NDUFAF2: variants seen among roughly 807,000 people sequenced by gnomAD.
The protein encoded by NDUFAF2 is NADH dehydrogenase [ubiquinone] 1 alpha subcomplex assembly factor 2.
In NDUFAF2, 13 loss-of-function variants were observed where a neutral mutation model predicts 22.8. The ratio of observed to expected loss-of-function variants is 0.57; its 90% CI spans 0.37 to 0.91. The LOEUF is 0.91. Among genes scored for constraint, NDUFAF2 ranks in the 40% least tolerant of loss-of-function variants. The probability of loss-of-function intolerance (pLI) is 0.01; values close to 1 mark genes in which losing one functional copy is unlikely to be tolerated. For synonymous variants in NDUFAF2, 53 were observed against 64.2 expected (o/e 0.83, Z 0.84); for missense variants, 162 against 195.2 (o/e 0.83, Z 1.01).
chr5:61,082,737 T>C (rs1283768870), intron 2 of NDUFAF2, among the ~76,000 whole-genome samples: 1 of 152,232 alleles, frequency 6.6e-6, no homozygotes, highest in East Asian at 1.9e-4. Context: ...TTCCATGGTG[T>C]ATATGTACCA....
At chr5:61,030,938 A>G (rs547953015) in intron 1 of NDUFAF2, among the ~76,000 whole-genome samples, 62 of 152,118 alleles carry the variant, frequency 4.1e-4, no homozygotes, top group African/African-American at 1.4e-3. Flanking sequence ...TTTAGTTACC[A>G]TCATCCTTTG....
At chr5:61,120,979 T>C (rs942514451) in intron 3 of NDUFAF2, among the ~76,000 whole-genome samples, 1 of 152,084 alleles carries the variant, frequency 6.6e-6, no homozygotes, top group Non-Finnish European at 1.5e-5. Context: ...CTGATCACTT[T>C]TATCAGATAA....
intron 1 of NDUFAF2, among the ~76,000 whole-genome samples, chr5:60,957,943 G>A (rs1258552127): frequency 6.6e-6 from 1 of 152,184 alleles, no homozygotes; most frequent in African/African-American, 2.4e-5. Flanking sequence ...ACTCCCTGTA[G>A]TAGCACTAGT....
At chr5:60,982,731 A>G (rs748546314) in intron 1 of NDUFAF2, among the ~76,000 whole-genome samples, 50 of 151,892 alleles carry the variant, frequency 3.3e-4, no homozygotes, top group Non-Finnish European at 6.9e-4. Flanking sequence ...ACATGAACTC[A>G]TCAATTTTTA....
At chr5:60,987,735 C>A (rs1422605068) in intron 1 of NDUFAF2, among the ~76,000 whole-genome samples, 1 of 152,132 alleles carries the variant, frequency 6.6e-6, no homozygotes, top group African/African-American at 2.4e-5. Context: ...ATTGAACATC[C>A]TTTCATGTTA....
chr5:61,140,654 T>C (rs1382543836), intron 3 of NDUFAF2, among the ~76,000 whole-genome samples: 1 of 152,248 alleles, frequency 6.6e-6, no homozygotes, highest in Non-Finnish European at 1.5e-5. Flanking sequence ...GAAATCTTGC[T>C]CTTCCTTCAG....
chr5:61,002,713 G>T (rs753817025), intron 1 of NDUFAF2, among the ~76,000 whole-genome samples: 11 of 152,110 alleles, frequency 7.2e-5, no homozygotes, highest in Non-Finnish European at 1.3e-4. Context: ...CTGGAGTGAT[G>T]CATCTGTTTC....
chr5:61,113,222 A>G (rs1455377211), intron 3 of NDUFAF2, among the ~76,000 whole-genome samples: 1 of 152,148 alleles, frequency 6.6e-6, no homozygotes, highest in Non-Finnish European at 1.5e-5. Flanking sequence ...ATTCTATATT[A>G]TTCTGTTTAT....
rs1580116060 is a variant in NDUFAF2 at position 61,056,914 on chromosome 5, A to T, written c.128-16211A>T. ...CAAAAAAAAAAAAAAAAAAAAAAAA[A>T]AAAAAATATATATATATATATATAT... On this transcript the variant is annotated intron_variant, in intron 1 of 3. Coordinates refer to ENST00000296597, the MANE Select transcript of NDUFAF2 (RefSeq NM_174889.5). Among the ~76,000 whole-genome samples the T allele has an allele frequency of 7.6e-5, 3 of 39,450 alleles. No homozygotes were observed. In the Admixed American group the frequency reaches 1.3e-3, roughly 17 times the overall value. The allele number at this position is 39,450 out of a possible 152,430, so 25.9% of individuals were successfully genotyped here.
intron 1 of NDUFAF2, among the ~76,000 whole-genome samples, chr5:61,038,147 C>T (rs1032999760): frequency 4.0e-5 from 6 of 150,728 alleles, no homozygotes; most frequent in African/African-American, 1.5e-4. Flanking sequence ...ATGTTACAAA[C>T]TATAACTTTA....
chr5:60,990,218 G>A (rs935327772), intron 1 of NDUFAF2, among the ~76,000 whole-genome samples: 3 of 152,114 alleles, frequency 2.0e-5, no homozygotes, highest in South Asian at 4.1e-4. Context: ...CTAGGACCTA[G>A]TATTTGATAG....
intron 1 of NDUFAF2, among the ~76,000 whole-genome samples, chr5:60,993,596 T>C (rs1751189009): frequency 6.6e-6 from 1 of 151,834 alleles, no homozygotes; most frequent in Admixed American, 6.6e-5. Context: ...GTTAAGTGTT[T>C]AGCCCTCAGC....
At position 60,986,510 on chromosome 5, in the gene NDUFAF2, A is replaced by G. The variant is rs544617046; in HGVS notation, c.127+41128A>G. ...TTTCTGGCACTATACACTCACATCA[A>G]AAATTAGAAAGTTCTCAACCTAATG... is the stretch of plus-strand genomic sequence containing the variant. On this transcript the variant is annotated intron_variant, in intron 1 of 3. Transcript: ENST00000296597. 2.6e-5 allele frequency among the ~76,000 whole-genome samples: 4 copies of G among 152,236 alleles called. No homozygotes were observed. The South Asian group carries it at 8.3e-4, about 32-fold the overall frequency.
At chr5:61,006,844 T>C (rs1006629721) in intron 1 of NDUFAF2, among the ~76,000 whole-genome samples, 1 of 152,104 alleles carries the variant, frequency 6.6e-6, no homozygotes, top group African/African-American at 2.4e-5. Flanking sequence ...TTAAAATTAA[T>C]GATCATTTTG....
At chr5:61,117,320 C>G (rs977838149) in intron 3 of NDUFAF2, among the ~76,000 whole-genome samples, 2 of 152,074 alleles carry the variant, frequency 1.3e-5, no homozygotes, top group Non-Finnish European at 2.9e-5. Flanking sequence ...TTTGTCATAA[C>G]AAGCCTTTTA....
chr5:61,040,547 A>G (rs1176492971), intron 1 of NDUFAF2, among the ~76,000 whole-genome samples: 1 of 151,602 alleles, frequency 6.6e-6, no homozygotes, highest in African/African-American at 2.4e-5. Flanking sequence ...ATTCTCCCAT[A>G]AATATATATT....
At chr5:61,030,798 A>C (rs1053684224) in intron 1 of NDUFAF2, among the ~76,000 whole-genome samples, 1 of 152,126 alleles carries the variant, frequency 6.6e-6, no homozygotes, top group African/African-American at 2.4e-5. Context: ...AAGATTACTT[A>C]CAATTCTTCA....
chr5:61,008,145 A>G (rs1751394459), intron 1 of NDUFAF2, among the ~76,000 whole-genome samples: 1 of 108,962 alleles, frequency 9.2e-6, no homozygotes, highest in African/African-American at 3.7e-5. Flanking sequence ...CACTCTGGGG[A>G]CTGTTGTGGG....
chr5:61,094,121 CCAAT>C (rs1361786409), intron 2 of NDUFAF2, among the ~76,000 whole-genome samples: 2 of 152,068 alleles, frequency 1.3e-5, no homozygotes, highest in African/African-American at 4.8e-5. Context: ...TTTAGATACA[CCAAT>C]CAATCAGATT....
Sources: allele counts gnomAD v4.1 joint callset (sites outside exome capture counted in the v4.1 genomes callset), GRCh38; gene constraint gnomAD v4.1.1; transcripts MANE v1.5; gene names NCBI Gene and HGNC (gene_info 2026-07-23, HGNC 2026-07-21).